Variants in SAMSN1 observed in about 807,000 individuals in gnomAD.
The protein encoded by SAMSN1 is SAM domain-containing protein SAMSN-1.
Under a neutral mutation model 42.0 loss-of-function variants are expected in SAMSN1, and 31 were observed. The observed-to-expected ratio is 0.74, with a 90% CI of 0.55 to 1.00. The LOEUF (loss-of-function observed/expected upper bound fraction) is 1.00, where lower values mean the gene tolerates loss of function less well. Ranked by LOEUF, SAMSN1 falls within the 50% of genes least tolerant of loss-of-function variation. The probability of loss-of-function intolerance (pLI) is 0.00; values close to 1 mark genes in which losing one functional copy is unlikely to be tolerated. For synonymous variants in SAMSN1, 178 were observed against 151.9 expected (o/e 1.17, Z -1.26); for missense variants, 464 against 439.4 (o/e 1.06, Z -0.50).
intron 1 of SAMSN1, among the ~76,000 whole-genome samples, chr21:14,656,892 G>A (rs1032041317): frequency 6.6e-6 from 1 of 151,730 alleles, no homozygotes; most frequent in African/African-American, 2.4e-5. Flanking sequence ...AGATTTAAAG[G>A]TCAGTGTTTT....
intron 6 of SAMSN1, among the ~76,000 whole-genome samples, chr21:14,595,482 AC>A (rs1982232713): frequency 6.6e-6 from 1 of 152,166 alleles, no homozygotes; most frequent in Non-Finnish European, 1.5e-5. Flanking sequence ...AAGAACTAAG[AC>A]AAAGGTGATT....
chr21:14,517,193 A>G lies in SAMSN1; in HGVS notation c.130-152T>C, dbSNP rs919693637. On this transcript the variant is annotated intron_variant, in intron 2 of 7. Coordinates refer to ENST00000400566, the MANE Select transcript of SAMSN1 (RefSeq NM_022136.5). The stretch of plus-strand genomic sequence containing the variant: ...ATTTCTAACAATCCGGACATAACAC[A>G]TATTTTTAAAGTTGTCCAGCCCTGG... 13 of 663,808 alleles carry G rather than the reference A, an allele frequency of 2.0e-5. No homozygotes were observed. In the South Asian group the frequency reaches 2.0e-4, roughly 10 times the overall value. The allele number at this position is 663,808 out of a possible 1,614,324, so 41.1% of individuals were successfully genotyped here.
rs533134183 is a variant in SAMSN1, at chr21:14,577,342, T to G, written c.261+4794A>C. Among the ~76,000 whole-genome samples, 313 of 140,482 alleles carry G rather than the reference T, an allele frequency of 2.2e-3. 1 individual carries two copies. Among genetic ancestry groups the G allele is most frequent in the Non-Finnish European group, 3.6e-3 (232 of 65,108 alleles). 92.2% of individuals were successfully genotyped at this position (140,482 alleles called of 152,430 possible). ...GTTAGCCAGGATGGTCTCGATCTCC[T>G]GACCTCATGATCCGCCTGCCTCAGC... On this transcript the variant is annotated intron_variant, in intron 2 of 8. Coordinates refer to the SAMSN1 transcript ENST00000285670.
rs371460089 is a variant in SAMSN1 at position 14,546,239 on chromosome 21, T to C, written c.23A>G (p.Asn8Ser). MLKRKPS[N>S]VSEKEKHQKP... ...TTGATGTTTCTCCTTCTCTGAAACA[T>C]TGGATGGCTTTCTCTTGAGCATTTT... is the stretch of plus-strand genomic sequence containing the variant. Residue 8 changes from asparagine (N) to serine (S), a missense_variant, in exon 1 of 8, where the codon AAT becomes AGT. By Grantham distance (46) the Asn-to-Ser change is conservative (BLOSUM62 1). Transcript: ENST00000400566. The C allele has an allele frequency of 3.1e-6, 5 of 1,613,520 alleles. No individual in the cohort carries two copies. In the African/African-American group the frequency reaches 6.7e-5, roughly 22 times the overall value.
chr21:14,583,630 C>A, upstream of SAMSN1: 1 of 716,358 alleles, frequency 1.4e-6, no homozygotes, highest in Non-Finnish European at 2.6e-6. Flanking sequence ...GTTTTAACAG[C>A]TTATTGAGTT....
chr21:14,545,272 T>C (rs984827708), intron 1 of SAMSN1, among the ~76,000 whole-genome samples: 1 of 152,112 alleles, frequency 6.6e-6, no homozygotes, highest in African/African-American at 2.4e-5. Context: ...CAAAAGGTCA[T>C]AACAAATGAA....
intron 7 of SAMSN1, among the ~76,000 whole-genome samples, chr21:14,493,196 T>C (rs1986768529): frequency 2.6e-5 from 4 of 152,190 alleles, no homozygotes; most frequent in Admixed American, 2.6e-4. Flanking sequence ...GGTATCAACA[T>C]TCTGGCACAC....
chr21:14,645,216 T>G (rs977072263), intron 1 of SAMSN1, among the ~76,000 whole-genome samples: 1 of 152,200 alleles, frequency 6.6e-6, no homozygotes, highest in Non-Finnish European at 1.5e-5. Context: ...CAAGACCCAG[T>G]GTTGTGCTGG....
chr21:14,612,166 G>C (rs146991248), intron 4 of SAMSN1, among the ~76,000 whole-genome samples: 2,316 of 152,310 alleles, frequency 0.015, 63 homozygotes, highest in African/African-American at 0.053. Flanking sequence ...CCGGGAGGCA[G>C]AGGTGGCAGT....
chr21:14,621,520 C>A (rs890321298), intron 2 of SAMSN1, among the ~76,000 whole-genome samples: 3 of 152,164 alleles, frequency 2.0e-5, no homozygotes, highest in Admixed American at 1.3e-4. Flanking sequence ...CTCAGAGGAT[C>A]CCATGCCCAT....
rs116639330 is a variant in SAMSN1, at chr21:14,565,522, C to T, written c.261+16614G>A. 3.2e-3 allele frequency among the ~76,000 whole-genome samples: 485 copies of T among 152,188 alleles called. 3 individuals are homozygous for T. Among genetic ancestry groups the T allele is most frequent in the African/African-American group, 0.011 (454 of 41,536 alleles). ...CTTGCTGGTTTTGTGATGCAGCTTT[C>T]TGAAATATGTATTTGTTTCCTTTTA... On this transcript the variant is annotated intron_variant, in intron 2 of 8. Coordinates refer to the SAMSN1 transcript ENST00000285670.
At chr21:14,535,738 A>G (rs1276057629) in intron 1 of SAMSN1, among the ~76,000 whole-genome samples, 1 of 152,214 alleles carries the variant, frequency 6.6e-6, no homozygotes, top group Non-Finnish European at 1.5e-5. Context: ...TGAAGAGGCA[A>G]TAAAAGGGCA....
intron 2 of SAMSN1, among the ~76,000 whole-genome samples, chr21:14,641,838 C>T (rs1239602326): frequency 6.6e-6 from 1 of 152,092 alleles, no homozygotes; most frequent in Non-Finnish European, 1.5e-5. Flanking sequence ...GGGTTGCTGA[C>T]ACCCCATGTA....
Position 14,567,066 on chromosome 21 carries a change from G to A in SAMSN1, c.261+15070C>T, listed in dbSNP as rs139881128. Among the ~76,000 whole-genome samples, 938 of 152,116 alleles carry A rather than the reference G, an allele frequency of 6.2e-3. 9 individuals are homozygous for A. The highest frequency in any genetic ancestry group is 7.0e-3 in the Non-Finnish European group (474 of 67,976). Reference sequence around the variant, plus strand: ...GATGACTTTTGCTCCTCAATGATTGGGTTGAATGCTATGCCAGGTGCCTTC... The same window carrying A: ...GATGACTTTTGCTCCTCAATGATTGAGTTGAATGCTATGCCAGGTGCCTTC... On this transcript the variant is annotated intron_variant, in intron 2 of 8. Coordinates refer to the SAMSN1 transcript ENST00000285670.
At chr21:14,488,840 C>T (rs1048499721) in intron 7 of SAMSN1, among the ~76,000 whole-genome samples, 2 of 152,208 alleles carry the variant, frequency 1.3e-5, no homozygotes, top group Admixed American at 1.3e-4. Flanking sequence ...TCCTCAAATG[C>T]TTCCTACCAG....
intron 7 of SAMSN1, among the ~76,000 whole-genome samples, chr21:14,593,038 C>G (rs143380086): frequency 1.1e-3 from 163 of 152,216 alleles, no homozygotes; most frequent in Non-Finnish European, 4.6e-4. Flanking sequence ...ATATTTAAAT[C>G]ATAACTTTCC....
chr21:14,596,839 G>A (rs1345059859), intron 6 of SAMSN1, among the ~76,000 whole-genome samples: 7 of 152,122 alleles, frequency 4.6e-5, no homozygotes, highest in African/African-American at 1.7e-4. Flanking sequence ...AACCACATGA[G>A]AGACTCTAAG....
At chr21:14,602,932 A>C (rs1982472989) in intron 5 of SAMSN1, among the ~76,000 whole-genome samples, 1 of 152,140 alleles carries the variant, frequency 6.6e-6, no homozygotes, top group African/African-American at 2.4e-5. Context: ...TTTTCTCCAG[A>C]TCTCCATCAT....
chr21:14,557,453 T>C (rs573969000), intron 2 of SAMSN1, among the ~76,000 whole-genome samples: 52 of 152,308 alleles, frequency 3.4e-4, no homozygotes, highest in African/African-American at 1.2e-3. Context: ...ATACTTCTTC[T>C]AGGACGTGGT....
Sources: allele counts gnomAD v4.1 joint callset (sites outside exome capture counted in the v4.1 genomes callset), GRCh38; gene constraint gnomAD v4.1.1; transcripts MANE v1.5; gene names NCBI Gene and HGNC (gene_info 2026-07-23, HGNC 2026-07-21).